The following ASIC2 variants were observed in gnomAD, a reference collection of about 807,000 sequenced individuals.
ASIC2 encodes acid-sensing ion channel 2.
A neutral mutation model predicts 57.3 loss-of-function variants in ASIC2; 25 were observed. The observed-to-expected ratio is 0.44, with a 90% CI of 0.32 to 0.61. ASIC2 has a LOEUF of 0.61. Ranked by LOEUF, ASIC2 falls within the 20% of genes least tolerant of loss-of-function variation. ASIC2 has a pLI of 0.06. For synonymous variants in ASIC2, 319 were observed against 307.5 expected (o/e 1.04, Z -0.39); for missense variants, 641 against 738.1 (o/e 0.87, Z 1.52).
At chr17:33,514,019 G>A (rs536153944) in intron 1 of ASIC2, among the ~76,000 whole-genome samples, 8 of 152,300 alleles carry the variant, frequency 5.3e-5, no homozygotes, top group African/African-American at 1.7e-4. Flanking sequence ...CACTGCTGGG[G>A]GCATGACACA....
intron 1 of ASIC2, chr17:33,290,650 C>T (rs1248281334): frequency 1.3e-5 from 2 of 152,298 alleles, no homozygotes; most frequent in South Asian, 4.1e-4. Flanking sequence ...CGGAGCAATC[C>T]TCCAGACCAG....
At chr17:33,121,157 A>G (rs2092300927) in intron 1 of ASIC2, among the ~76,000 whole-genome samples, 1 of 152,216 alleles carries the variant, frequency 6.6e-6, no homozygotes, top group South Asian at 2.1e-4. Flanking sequence ...TGCAGGAGCT[A>G]GGGAGGAAGA....
intron 1 of ASIC2, chr17:33,131,827 G>C (rs549851226): frequency 6.6e-6 from 1 of 152,174 alleles, no homozygotes. Context: ...TACATCACAC[G>C]CCTAATGGTG....
chr17:33,484,384 T>A (rs1382245713), intron 1 of ASIC2, among the ~76,000 whole-genome samples: 1 of 152,204 alleles, frequency 6.6e-6, no homozygotes, highest in Non-Finnish European at 1.5e-5. Context: ...ATATCCCCAT[T>A]GAAATGCATT....
intron 1 of ASIC2, among the ~76,000 whole-genome samples, chr17:33,166,391 A>G (rs1166544661): frequency 6.6e-6 from 1 of 152,226 alleles, no homozygotes; most frequent in African/African-American, 2.4e-5. Flanking sequence ...AGAGACAATA[A>G]GCATAAAGTT....
chr17:33,489,381 G>A (rs1485717129), intron 1 of ASIC2, among the ~76,000 whole-genome samples: 2 of 152,174 alleles, frequency 1.3e-5, no homozygotes, highest in East Asian at 1.9e-4. Flanking sequence ...CATAGATGCC[G>A]AGGAGCTGAC....
chr17:33,332,286 C>T (rs1296929243), intron 1 of ASIC2, among the ~76,000 whole-genome samples: 1 of 152,118 alleles, frequency 6.6e-6, no homozygotes, highest in Non-Finnish European at 1.5e-5. Flanking sequence ...TTTCTAGTAA[C>T]CCTATTTTTA....
At chr17:33,142,013 A>G (rs564546709) in intron 1 of ASIC2, among the ~76,000 whole-genome samples, 52 of 152,308 alleles carry the variant, frequency 3.4e-4, no homozygotes, top group Middle Eastern at 6.8e-3. Context: ...GCATATATTT[A>G]TGTGTGTAAG....
intron 1 of ASIC2, among the ~76,000 whole-genome samples, chr17:34,125,813 C>T (rs570293966): frequency 2.0e-5 from 3 of 152,234 alleles, no homozygotes; most frequent in African/African-American, 4.8e-5. Context: ...ACATGGTTTG[C>T]GGGTGAGCTG....
chr17:33,283,801 TC>T (rs377713917), intron 1 of ASIC2, among the ~76,000 whole-genome samples: 49 of 152,316 alleles, frequency 3.2e-4, no homozygotes, highest in African/African-American at 1.1e-3. Context: ...ACGTACATTA[TC>T]ACATCCTATC....
chr17:34,011,151 A>T lies in ASIC2; in HGVS notation c.555+144827T>A, dbSNP rs903175854. Reference sequence around the variant, plus strand: ...CACAGGCACACACACACACACATAGACACATAGAGATGCCTCCAGTCAAAC... The same window carrying T: ...CACAGGCACACACACACACACATAGTCACATAGAGATGCCTCCAGTCAAAC... On this transcript the variant is annotated intron_variant, in intron 1 of 9. Coordinates refer to the ASIC2 transcript ENST00000359872. 6.6e-5 allele frequency among the ~76,000 whole-genome samples: 10 copies of T among 152,100 alleles called. No homozygotes were observed. The East Asian group carries it at 1.9e-3, about 29-fold the overall frequency.
At chr17:33,144,605 G>A (rs2142021901) in intron 1 of ASIC2, among the ~76,000 whole-genome samples, 1 of 152,286 alleles carries the variant, frequency 6.6e-6, no homozygotes, top group African/African-American at 2.4e-5. Context: ...AATACCCTGT[G>A]TTTTTAGGAA....
intron 1 of ASIC2, among the ~76,000 whole-genome samples, chr17:33,312,316 C>T (rs1320196885): frequency 6.6e-6 from 1 of 152,130 alleles, no homozygotes; most frequent in East Asian, 1.9e-4. Flanking sequence ...TGGGGTGACA[C>T]AGGAAGTATC....
chr17:33,645,524 C>T (rs7212020), intron 1 of ASIC2, among the ~76,000 whole-genome samples: 3,167 of 152,276 alleles, frequency 0.021, 97 homozygotes, highest in African/African-American at 0.071. Context: ...AGCAGAAAAT[C>T]TTATTTTCCA....
chr17:34,055,854 G>A (rs1238385435), intron 1 of ASIC2, among the ~76,000 whole-genome samples: 1 of 152,160 alleles, frequency 6.6e-6, no homozygotes, highest in Non-Finnish European at 1.5e-5. Context: ...TATTGCTGTA[G>A]ACATATGTTT....
chr17:33,086,868 C>A (rs2092135891), intron 3 of ASIC2, among the ~76,000 whole-genome samples: 1 of 152,124 alleles, frequency 6.6e-6, no homozygotes, highest in Admixed American at 6.6e-5. Context: ...CAGGGACCAG[C>A]ACCCAAGCCC....
intron 1 of ASIC2, among the ~76,000 whole-genome samples, chr17:33,414,116 C>T (rs911473712): frequency 6.6e-6 from 1 of 152,062 alleles, no homozygotes; most frequent in Non-Finnish European, 1.5e-5. Flanking sequence ...CCCACCCCTG[C>T]GAGGCTCTCC....
At chr17:33,370,319 A>T (rs1909001470) in intron 1 of ASIC2, among the ~76,000 whole-genome samples, 1 of 152,188 alleles carries the variant, frequency 6.6e-6, no homozygotes, top group African/African-American at 2.4e-5. Context: ...CCCAACCCCA[A>T]CAAATGGGCA....
At chr17:33,773,937 G>A (rs1226868437) in intron 1 of ASIC2, among the ~76,000 whole-genome samples, 2 of 152,138 alleles carry the variant, frequency 1.3e-5, no homozygotes, top group Non-Finnish European at 2.9e-5. Context: ...AAAGTGTTGG[G>A]ATGTACAGTC....
Sources: allele counts gnomAD v4.1 joint callset (sites outside exome capture counted in the v4.1 genomes callset), GRCh38; gene constraint gnomAD v4.1.1; transcripts MANE v1.5; gene names NCBI Gene and HGNC (gene_info 2026-07-23, HGNC 2026-07-21).